TGFBR1: variants seen among roughly 807,000 people sequenced by gnomAD.
TGFBR1 encodes the protein transforming growth factor beta receptor 1, also known as TGF-beta receptor type-1.
TGFBR1 carries 20 observed loss-of-function variants against 55.1 expected under a neutral mutation model. The ratio of observed to expected loss-of-function variants is 0.36; its 90% CI spans 0.26 to 0.53. TGFBR1 has a LOEUF of 0.53. TGFBR1 is among the 20% of genes least tolerant of loss of function. The probability of loss-of-function intolerance (pLI) is 0.91; values close to 1 mark genes in which losing one functional copy is unlikely to be tolerated. For missense variants in TGFBR1, 385 were observed against 617.6 expected, an observed-to-expected ratio of 0.62 and a Z score of 3.99; for synonymous variants, 220 against 214.8, an observed-to-expected ratio of 1.02 and a Z score of -0.21.
chr9:99,127,624 A>G (rs1176552545), intron 1 of TGFBR1, among the ~76,000 whole-genome samples: 1 of 152,166 alleles, frequency 6.6e-6, no homozygotes, highest in Non-Finnish European at 1.5e-5. Flanking sequence ...CCTTTCTTGT[A>G]CAGCAAGTTA....
intron 1 of TGFBR1, among the ~76,000 whole-genome samples, chr9:99,116,147 G>T (rs1271954366): frequency 6.8e-6 from 1 of 147,480 alleles, no homozygotes; most frequent in African/African-American, 2.5e-5. Context: ...TTCTCCCCAT[G>T]ATCATAATTG....
At chr9:99,105,842 C>G (rs1026772777) in intron 1 of TGFBR1, among the ~76,000 whole-genome samples, 18 of 152,146 alleles carry the variant, frequency 1.2e-4, no homozygotes, top group African/African-American at 4.3e-4. Flanking sequence ...GGGCTTCGTC[C>G]AGTGGGAGTC....
chr9:99,123,704 CAG>C (rs1230758222), intron 1 of TGFBR1, among the ~76,000 whole-genome samples: 1 of 152,034 alleles, frequency 6.6e-6, no homozygotes, highest in East Asian at 1.9e-4. Flanking sequence ...AATAAAATGA[CAG>C]AACTGAATTG....
chr9:99,143,274 A>G (rs757466841), intron 5 of TGFBR1, among the ~76,000 whole-genome samples: 1 of 152,200 alleles, frequency 6.6e-6, no homozygotes, highest in African/African-American at 2.4e-5. Flanking sequence ...TGAGGATCTC[A>G]GTTTCAGAAT....
chr9:99,109,295 T>G (rs1306441470), intron 1 of TGFBR1, among the ~76,000 whole-genome samples: 1 of 152,086 alleles, frequency 6.6e-6, no homozygotes, highest in African/African-American at 2.4e-5. Flanking sequence ...AGGCCTATAG[T>G]AGTTTGGAAG....
At chr9:99,128,084 T>C in intron 1 of TGFBR1, 3 of 447,290 alleles carry the variant, frequency 6.7e-6, no homozygotes, top group South Asian at 4.7e-5. Flanking sequence ...GAGAAGGTGT[T>C]GGTGATAATT....
In TGFBR1 at chr9:99,138,220, C is replaced by T. The variant is rs527259584; in HGVS notation, c.805+131C>T. The stretch of plus-strand genomic sequence containing the variant: ...CTCATGTAGATTAGACCCATTAAGT[C>T]GAATACAATATATTAGTAACTTTTA... On this transcript the variant is annotated intron_variant, in intron 4 of 8. Coordinates refer to ENST00000374994, the MANE Select transcript of TGFBR1 (RefSeq NM_004612.4). 5.9e-5 allele frequency: 45 copies of T among 762,412 alleles called. No homozygotes were observed. The African/African-American group carries it at 6.0e-4, about 10-fold the overall frequency. 47.2% of individuals were successfully genotyped at this position (762,412 alleles called of 1,614,324 possible). A position where few individuals can be genotyped will look rare whatever the true frequency, so the allele number is the denominator to read the frequency against.
In TGFBR1 at chr9:99,152,160, C is replaced by T. The variant is rs201552761; in HGVS notation, c.*2855C>T. The T allele has an allele frequency of 7.4e-5, 15 of 203,196 alleles. No individual in the cohort carries two copies. Among genetic ancestry groups the T allele is most frequent in the South Asian group, 1.9e-4 (1 of 5,238 alleles). The allele number at this position is 203,196 out of a possible 1,614,324, so 12.6% of individuals were successfully genotyped here. A position where few individuals can be genotyped will look rare whatever the true frequency, so the allele number is the denominator to read the frequency against. On this transcript the variant is annotated 3_prime_UTR_variant, in exon 9 of 9. Transcript: ENST00000374994. ...GCTGCTCTGGAGACCTAGAGTAAAA[C>T]GGCTGATGGAAGTTGTGGGACCCAC...
chr9:99,134,772 A>G (rs758507767), intron 3 of TGFBR1, among the ~76,000 whole-genome samples: 1 of 139,698 alleles, frequency 7.2e-6, no homozygotes, highest in African/African-American at 2.6e-5. Flanking sequence ...AGATATAAAC[A>G]TGAGAAACAA....
At chr9:99,133,761 A>G (rs930701381) in intron 3 of TGFBR1, among the ~76,000 whole-genome samples, 1 of 152,366 alleles carries the variant, frequency 6.6e-6, no homozygotes, top group Non-Finnish European at 1.5e-5. Context: ...AATAAGGGCT[A>G]AATTCATGAA....
chr9:99,109,476 C>A (rs147574434), intron 1 of TGFBR1, among the ~76,000 whole-genome samples: 103 of 152,276 alleles, frequency 6.8e-4, no homozygotes, highest in Middle Eastern at 3.4e-3. Flanking sequence ...GTAGGGAAGA[C>A]CCCTGTCAAA....
intron 2 of TGFBR1, 84 bp from the exon 3 acceptor site, chr9:99,132,425 T>G: frequency 6.3e-7 from 1 of 1,587,472 alleles, no homozygotes; most frequent in African/African-American, 1.3e-5. Flanking sequence ...CTGCAGGAAT[T>G]GTGTAGGATT....
chr9:99,114,244 CAAAAAGG>C (rs1564131182), intron 1 of TGFBR1, among the ~76,000 whole-genome samples: 2,881 of 152,052 alleles, frequency 0.019, 89 homozygotes, highest in African/African-American at 0.066. Context: ...ATCAGTAAGT[CAAAAAGG>C]GAAAGAAAAA....
intron 3 of TGFBR1, 50 bp from the exon 4 acceptor site, chr9:99,137,809 A>G: frequency 6.7e-7 from 1 of 1,498,580 alleles, no homozygotes; most frequent in Non-Finnish European, 9.3e-7. Flanking sequence ...TGATGTTTGA[A>G]ACATGTAATA....
chr9:99,145,236 C>T (rs1190348779), intron 6 of TGFBR1, among the ~76,000 whole-genome samples: 3 of 152,156 alleles, frequency 2.0e-5, no homozygotes, highest in African/African-American at 7.2e-5. Context: ...CAGTAGCTAG[C>T]CCTGCTATTT....
intron 2 of TGFBR1, 135 bp from the exon 3 acceptor site, chr9:99,132,374 G>T: frequency 6.9e-7 from 1 of 1,454,998 alleles, no homozygotes; most frequent in Non-Finnish European, 9.3e-7. Flanking sequence ...CCTGTAAACT[G>T]CTGTAATGAG....
chr9:99,121,317 G>T (rs1826892193), intron 1 of TGFBR1, among the ~76,000 whole-genome samples: 1 of 152,138 alleles, frequency 6.6e-6, no homozygotes, highest in African/African-American at 2.4e-5. Flanking sequence ...GTATTTTGAG[G>T]AACAAAACCT....
chr9:99,137,462 C>T (rs1450990950), intron 3 of TGFBR1, among the ~76,000 whole-genome samples: 1 of 152,130 alleles, frequency 6.6e-6, no homozygotes, highest in East Asian at 1.9e-4. Context: ...CTGGTGACAG[C>T]TTACTTTCTC....
Position 99,151,708 on chromosome 9 carries a change from G to C in TGFBR1, c.*2403G>C, listed in dbSNP as rs1162690960. 4.5e-6 allele frequency: 1 copy of C among 223,920 alleles called. No individual in the cohort carries two copies. Among genetic ancestry groups the C allele is most frequent in the Non-Finnish European group, 8.9e-6 (1 of 112,098 alleles). 13.9% of individuals were successfully genotyped at this position (223,920 alleles called of 1,614,324 possible). A position where few individuals can be genotyped will look rare whatever the true frequency, so the allele number is the denominator to read the frequency against. On this transcript the variant is annotated 3_prime_UTR_variant, in exon 9 of 9. Coordinates refer to ENST00000374994, the MANE Select transcript of TGFBR1 (RefSeq NM_004612.4). ...TAAAGTTGGAGTTTAGTTCTAAATT[G>C]ACTTTACGTATTACTGCAGTTAATT...
Sources: gnomAD v4.1 joint callset for allele counts (sites outside exome capture counted in the v4.1 genomes callset) on GRCh38, gnomAD v4.1.1 for gene constraint, MANE v1.5 for transcripts, NCBI Gene and HGNC (gene_info 2026-07-23, HGNC 2026-07-21) for gene names.